The following ESRP1 variants were observed in gnomAD, a reference collection of about 807,000 sequenced individuals.
ESRP1 encodes RNA-binding motif protein 35A.
A neutral mutation model predicts 81.7 loss-of-function variants in ESRP1; 33 were observed. The ratio of observed to expected loss-of-function variants is 0.40; its 90% CI spans 0.31 to 0.54. The LOEUF is 0.54. Ranked by LOEUF, ESRP1 falls within the 20% of genes least tolerant of loss-of-function variation. The probability of loss-of-function intolerance (pLI) is 0.41; values close to 1 mark genes in which losing one functional copy is unlikely to be tolerated. For synonymous variants in ESRP1, 320 were observed against 303.3 expected (o/e 1.06, Z -0.57); for missense variants, 672 against 833.1 (o/e 0.81, Z 2.38).
At position 94,692,657 on chromosome 8, in the gene ESRP1, T is replaced by C; in HGVS notation, c.1821-20T>C. 1 of 1,610,634 alleles carries C rather than the reference T, an allele frequency of 6.2e-7. No homozygotes were observed. The highest frequency in any genetic ancestry group is 8.5e-7 in the Non-Finnish European group (1 of 1,177,784). ...ACATTGTCTATTCCTATTGGTTCACTGTGCTTTCTCTCCCTTTAGCCCCCC... is the reference window on the plus strand; with the variant it reads ...ACATTGTCTATTCCTATTGGTTCACCGTGCTTTCTCTCCCTTTAGCCCCCC... On this transcript the variant is annotated intron_variant, in intron 13 of 15. Transcript: ENST00000433389.
intron 10 of ESRP1, among the ~76,000 whole-genome samples, chr8:94,671,075 G>C (rs1819296322): frequency 6.6e-6 from 1 of 152,174 alleles, no homozygotes; most frequent in Admixed American, 6.5e-5. Context: ...CACATTTAGT[G>C]ATATGTTCAG....
At chr8:94,688,820 TGAGTA>T (rs922913885) in intron 13 of ESRP1, among the ~76,000 whole-genome samples, 82 of 152,216 alleles carry the variant, frequency 5.4e-4, no homozygotes, top group Non-Finnish European at 1.0e-3. Context: ...TTTTCTTTGT[TGAGTA>T]TTCTGGATCC....
chr8:94,648,740 A>C (rs1220006047), intron 4 of ESRP1, among the ~76,000 whole-genome samples: 1 of 152,262 alleles, frequency 6.6e-6, no homozygotes. Flanking sequence ...AGAAGAGCAG[A>C]TAAGAGAATG....
At chr8:94,660,739 A>AC (rs1818694018) in intron 4 of ESRP1, among the ~76,000 whole-genome samples, 27 of 122,454 alleles carry the variant, frequency 2.2e-4, no homozygotes, top group Admixed American at 6.8e-4. Flanking sequence ...AAAAAAAAAA[A>AC]AAAACCAAAA....
intron 15 of ESRP1, among the ~76,000 whole-genome samples, chr8:94,701,029 T>G (rs1383838308): frequency 2.0e-5 from 3 of 151,086 alleles, no homozygotes; most frequent in African/African-American, 7.3e-5. Context: ...TCCCAGCATT[T>G]TGGTAGGCTG....
In ESRP1 at chr8:94,668,013, G is replaced by T. The variant is rs1239872052; in HGVS notation, c.996G>T (p.Gly332=). ...KENQVIVRMR[G]LPFTATAEEV... The stretch of plus-strand genomic sequence containing the variant: ...ATCAAGTCATTGTCCGCATGCGGGG[G>T]CTCCCTTTCACGGCCACAGCTGAAG... Residue 332 remains glycine (G), a synonymous_variant, in exon 10 of 16, where the codon GGG becomes GGT. Transcript: ENST00000433389. 1.9e-6 allele frequency: 3 copies of T among 1,613,218 alleles called. No individual in the cohort carries two copies. Among genetic ancestry groups the T allele is most frequent in the Non-Finnish European group, 2.5e-6 (3 of 1,179,428 alleles).
At chr8:94,652,080 T>G (rs1488348342) in intron 4 of ESRP1, among the ~76,000 whole-genome samples, 1 of 149,456 alleles carries the variant, frequency 6.7e-6, no homozygotes, top group Non-Finnish European at 1.5e-5. Flanking sequence ...CTTCACCTTC[T>G]GGGTTCAAGC....
chr8:94,683,832 C>G (rs535625989), intron 13 of ESRP1, among the ~76,000 whole-genome samples: 32 of 152,318 alleles, frequency 2.1e-4, no homozygotes, highest in Non-Finnish European at 3.2e-4. Flanking sequence ...AACTCACTCT[C>G]TCCTACTAGT....
At chr8:94,688,161 T>A (rs1177512760) in intron 13 of ESRP1, 4 of 153,338 alleles carry the variant, frequency 2.6e-5, no homozygotes, top group African/African-American at 9.6e-5. Context: ...AACACCTCTT[T>A]CCCATCAAAT....
Position 94,706,054 on chromosome 8 carries a change from C to A in ESRP1, c.*165C>A. On this transcript the variant is annotated 3_prime_UTR_variant, in exon 16 of 16. Coordinates refer to ENST00000433389, the MANE Select transcript of ESRP1 (RefSeq NM_017697.4). Reference sequence around the variant, plus strand: ...CTTGATTGGACAAACGGGCCTGTGCCTTATCTTTTGGTGGAGTGAAAAAAT... The same window carrying A: ...CTTGATTGGACAAACGGGCCTGTGCATTATCTTTTGGTGGAGTGAAAAAAT... The A allele has an allele frequency of 8.6e-7, 1 of 1,159,674 alleles. No individual in the cohort carries two copies. The highest frequency in any genetic ancestry group is 1.2e-6 in the Non-Finnish European group (1 of 834,456). The allele number at this position is 1,159,674 out of a possible 1,614,324, so 71.8% of individuals were successfully genotyped here.
At chr8:94,660,986 A>T (rs552221986) in intron 4 of ESRP1, among the ~76,000 whole-genome samples, 11 of 152,172 alleles carry the variant, frequency 7.2e-5, no homozygotes, top group African/African-American at 2.6e-4. Flanking sequence ...CCACCAACAA[A>T]AAGATTGACT....
rs1411974694 is a variant in ESRP1, at chr8:94,641,807, A to G, written c.133-149A>G. 7.0e-6 allele frequency: 9 copies of G among 1,286,744 alleles called. No individual in the cohort carries two copies. In the East Asian group the frequency reaches 1.9e-4, roughly 26 times the overall value. 79.7% of individuals were successfully genotyped at this position (1,286,744 alleles called of 1,614,324 possible). ...GGGGTGGGGCGGGGGGCAGGAACGC[A>G]CCGGAACCGATGGCGAGTCGAGAGC... On this transcript the variant is annotated intron_variant, in intron 1 of 15. Transcript: ENST00000433389.
chr8:94,645,388 T>C (rs1475986445), intron 3 of ESRP1, among the ~76,000 whole-genome samples: 1 of 151,834 alleles, frequency 6.6e-6, no homozygotes, highest in Non-Finnish European at 1.5e-5. Flanking sequence ...TTAAAAGGAT[T>C]ATCTTTAAAA....
At chr8:94,674,275 C>A in intron 11 of ESRP1, 33 bp from the exon 12 acceptor site, 2 of 1,597,710 alleles carry the variant, frequency 1.3e-6, no homozygotes, top group South Asian at 1.1e-5. Context: ...GAGACAGTCT[C>A]CTTTTGTTTT....
At chr8:94,667,599 G>A (rs748590006) in intron 9 of ESRP1, among the ~76,000 whole-genome samples, 6 of 152,056 alleles carry the variant, frequency 3.9e-5, no homozygotes, top group Admixed American at 6.6e-5. Context: ...AGTAAGGCAC[G>A]GAGTTGAACT....
chr8:94,679,582 G>C (rs1297891504), intron 13 of ESRP1, among the ~76,000 whole-genome samples: 1 of 152,172 alleles, frequency 6.6e-6, no homozygotes, highest in Non-Finnish European at 1.5e-5. Context: ...GAATCTTGAA[G>C]CCCCAAAGGC....
At chr8:94,671,768 AATATTAG>A (rs1370595900) in intron 11 of ESRP1, 97 bp downstream of exon 11, 14 of 737,614 alleles carry the variant, frequency 1.9e-5, no homozygotes, top group Middle Eastern at 4.0e-4. Flanking sequence ...AGAAATATCT[AATATTAG>A]ATATTAGTCT....
chr8:94,697,016 T>C, intron 15 of ESRP1, 55 bp downstream of exon 15: 1 of 1,194,648 alleles, frequency 8.4e-7, no homozygotes, highest in Non-Finnish European at 1.2e-6. Context: ...GAGATCAAGA[T>C]TCTGAAGGCA....
chr8:94,697,017 T>G, intron 15 of ESRP1, 56 bp downstream of exon 15: 1 of 1,184,780 alleles, frequency 8.4e-7, no homozygotes, highest in South Asian at 1.5e-5. Flanking sequence ...AGATCAAGAT[T>G]CTGAAGGCAT....
Sources: allele counts gnomAD v4.1 joint callset (sites outside exome capture counted in the v4.1 genomes callset), GRCh38; gene constraint gnomAD v4.1.1; transcripts MANE v1.5; gene names NCBI Gene and HGNC (gene_info 2026-07-23, HGNC 2026-07-21).